ACSM2A: variants seen among roughly 807,000 people sequenced by gnomAD.
The protein encoded by ACSM2A is acyl-CoA synthetase medium chain family member 2A.
Under a neutral mutation model 76.6 loss-of-function variants are expected in ACSM2A, and 72 were observed. That is an observed-to-expected ratio of 0.94 (90% CI 0.78 to 1.14). The LOEUF is 1.14. Among genes scored for constraint, ACSM2A ranks in the 50% most tolerant of loss-of-function variants. ACSM2A has a pLI of 0.00. For synonymous variants in ACSM2A, 249 were observed against 255.9 expected (o/e 0.97, Z 0.26); for missense variants, 684 against 708.5 (o/e 0.97, Z 0.39).
At chr16:20,483,726 A>G (rs912347499) in intron 13 of ACSM2A, among the ~76,000 whole-genome samples, 2 of 152,076 alleles carry the variant, frequency 1.3e-5, no homozygotes, top group African/African-American at 2.4e-5. Context: ...TCTAGCCAGT[A>G]TCTTACCTGT....
intron 3 of ACSM2A, among the ~76,000 whole-genome samples, chr16:20,468,045 C>A (rs2013122404): frequency 6.6e-6 from 1 of 152,000 alleles, no homozygotes; most frequent in Non-Finnish European, 1.5e-5. Context: ...GAATTAGAAA[C>A]TATCAGAGGC....
intron 8 of ACSM2A, chr16:20,476,164 C>G (rs951707495): frequency 7.1e-5 from 76 of 1,071,678 alleles, no homozygotes; most frequent in Admixed American, 9.7e-5. Flanking sequence ...TCAAACATGT[C>G]AAGCACTGTA....
chr16:20,474,602 A>G (rs2013615954), intron 6 of ACSM2A, among the ~76,000 whole-genome samples: 2 of 152,206 alleles, frequency 1.3e-5, no homozygotes, highest in African/African-American at 4.8e-5. Flanking sequence ...GATTAAGACA[A>G]TACTCTATTA....
chr16:20,461,426 T>C (rs551111246), intron 2 of ACSM2A, among the ~76,000 whole-genome samples: 2 of 152,220 alleles, frequency 1.3e-5, no homozygotes, highest in Non-Finnish European at 2.9e-5. Flanking sequence ...AGGCCCTTAC[T>C]ACCATGACTC....
chr16:20,485,681 G>A (rs1448284817), intron 13 of ACSM2A, among the ~76,000 whole-genome samples: 1 of 152,162 alleles, frequency 6.6e-6, no homozygotes, highest in Non-Finnish European at 1.5e-5. Flanking sequence ...CCATTTCATT[G>A]TGTTTTGAAC....
At chr16:20,476,483 C>T (rs1295317373) in intron 8 of ACSM2A, 1 of 985,306 alleles carries the variant, frequency 1.0e-6, no homozygotes, top group African/African-American at 1.7e-5. Flanking sequence ...TTGACGGCAG[C>T]TCTGTGGTAT....
At position 20,482,610 on chromosome 16, in the gene ACSM2A, T is replaced by C. The variant is rs12600195; in HGVS notation, c.1510-448T>C. ...CATGGGGGATCCCCTGCTGAGAAAA[T>C]CCTGTGTGCCCAGCTCTGAGCTAGC... On this transcript the variant is annotated intron_variant, in intron 12 of 13. Transcript: ENST00000573854. 4.4e-4 allele frequency: 72 copies of C among 162,082 alleles called. 2 individuals are homozygous for C. In the East Asian group the frequency reaches 9.5e-3, roughly 21 times the overall value. 10.0% of individuals were successfully genotyped at this position (162,082 alleles called of 1,614,324 possible). A position where few individuals can be genotyped will look rare whatever the true frequency, so the allele number is the denominator to read the frequency against.
rs754307522 is a variant in ACSM2A at position 20,475,456 on chromosome 16, A to G, written c.974+15A>G. The G allele has an allele frequency of 6.2e-7, 1 of 1,613,596 alleles. No homozygotes were observed. Among genetic ancestry groups the G allele is most frequent in the South Asian group, 1.1e-5 (1 of 91,046 alleles). On this transcript the variant is annotated intron_variant, in intron 7 of 13. Transcript: ENST00000573854. ...GATCTTTCCAGGTGATGGGGCTTTGAGGATTGGTAAGAGAGTCTGGCCCCA... is the reference window on the plus strand; with the variant it reads ...GATCTTTCCAGGTGATGGGGCTTTGGGGATTGGTAAGAGAGTCTGGCCCCA...
chr16:20,469,874 T>G (rs869293895), intron 4 of ACSM2A, among the ~76,000 whole-genome samples, 155 bp downstream of exon 4: 1 of 67,022 alleles, frequency 1.5e-5, no homozygotes, highest in East Asian at 3.7e-4. Context: ...ACAAGGGTAT[T>G]TTTTTTTTTT....
chr16:20,469,204 A>G (rs1215488619), intron 3 of ACSM2A, among the ~76,000 whole-genome samples: 1 of 147,292 alleles, frequency 6.8e-6, no homozygotes, highest in Non-Finnish European at 1.5e-5. Flanking sequence ...TCCTGTAGAA[A>G]ATTTTTTTTG....
At chr16:20,464,465 G>A (rs2355908) in intron 2 of ACSM2A, among the ~76,000 whole-genome samples, 1 of 152,122 alleles carries the variant, frequency 6.6e-6, no homozygotes, top group African/African-American at 2.4e-5. Flanking sequence ...GAAATTTACA[G>A]TAATGGTGGA....
intron 2 of ACSM2A, among the ~76,000 whole-genome samples, chr16:20,463,061 A>T (rs543154660): frequency 8.2e-4 from 99 of 120,180 alleles, no homozygotes; most frequent in African/African-American, 3.1e-3. Context: ...GAAGGGGAAC[A>T]TCACACACTG....
In ACSM2A at chr16:20,460,161, C is replaced by A. The variant is rs372292767; in HGVS notation, c.47C>A (p.Thr16Asn). Residue 16 changes from threonine (T) to asparagine (N), a missense_variant, in exon 2 of 14, where the codon ACT becomes AAT. This residue lies in a region of ACSM2A where 519 missense variants were observed against 549.5 expected (regional missense o/e 0.94). Transcript: ENST00000573854. ...CAGGGACTTTGCACCCTGTGGGGTACTCAGATGTCCAGCCGCACTCTCTAC... is the reference window on the plus strand; with the variant it reads ...CAGGGACTTTGCACCCTGTGGGGTAATCAGATGTCCAGCCGCACTCTCTAC... ...KVQGLCTLWG[T>N]QMSSRTLYIN... The A allele has an allele frequency of 1.9e-6, 3 of 1,612,856 alleles. No homozygotes were observed. The highest frequency in any genetic ancestry group is 2.5e-6 in the Non-Finnish European group (3 of 1,179,354).
chr16:20,469,411 C>G (rs1183017209), intron 3 of ACSM2A, 101 bp from the exon 4 acceptor site: 1 of 1,556,198 alleles, frequency 6.4e-7, no homozygotes, highest in African/African-American at 1.4e-5. Flanking sequence ...CTTCCTCATC[C>G]TCTCCTTCCC....
chr16:20,462,876 G>GTTCACAGTAGCTTTA (rs1184142375), intron 2 of ACSM2A, among the ~76,000 whole-genome samples: 14 of 151,996 alleles, frequency 9.2e-5, no homozygotes, highest in African/African-American at 1.5e-4. Flanking sequence ...GTACACTCAT[G>GTTCACAGTAGCTTTA]TTCACAGTAG....
chr16:20,483,569 CAAAAAAAAAAAAAAAAAAAAA>C (rs60606533), intron 13 of ACSM2A, among the ~76,000 whole-genome samples: 2 of 32,208 alleles, frequency 6.2e-5, no homozygotes, highest in Non-Finnish European at 1.2e-4. Flanking sequence ...GACTCTGTCT[CAAAAAAAAAAAAAAAAAAAAA>C]AAAAAAAAAA....
chr16:20,461,833 A>G (rs2012641481), intron 2 of ACSM2A, among the ~76,000 whole-genome samples: 1 of 152,172 alleles, frequency 6.6e-6, no homozygotes. Flanking sequence ...TTATCACAAG[A>G]CATCTTAGTG....
chr16:20,474,485 G>A lies in ACSM2A; in HGVS notation c.895-877G>A, dbSNP rs898444137. 3.3e-5 allele frequency among the ~76,000 whole-genome samples: 5 copies of A among 152,146 alleles called. No homozygotes were observed. The South Asian group carries it at 1.0e-3, about 32-fold the overall frequency. On this transcript the variant is annotated intron_variant, in intron 6 of 13. Transcript: ENST00000573854. ...AACAGCAAGAAGGCTCTCACCAGAT[G>A]CAGCTTCTTGACCTTGGACTTTCCA... is the stretch of plus-strand genomic sequence containing the variant.
At chr16:20,480,235 A>G (rs149194316) in intron 10 of ACSM2A, among the ~76,000 whole-genome samples, 1 of 152,326 alleles carries the variant, frequency 6.6e-6, no homozygotes, top group East Asian at 1.9e-4. Flanking sequence ...GAGTGGTGCT[A>G]TGGAGTGAGC....
Sources: gnomAD v4.1 joint callset for allele counts (sites outside exome capture counted in the v4.1 genomes callset) on GRCh38, gnomAD v4.1.1 for gene constraint, gnomAD v4.1.1 regional missense constraint, MANE v1.5 for transcripts, NCBI Gene and HGNC (gene_info 2026-07-23, HGNC 2026-07-21) for gene names.